The following SGIP1 variants were observed in gnomAD, a reference collection of about 807,000 sequenced individuals.
The protein encoded by SGIP1 is SH3-containing GRB2-like protein 3-interacting protein 1.
SGIP1 carries 38 observed loss-of-function variants against 107.5 expected under a neutral mutation model. The observed-to-expected ratio is 0.35, with a 90% CI of 0.27 to 0.46. The LOEUF is 0.46. SGIP1 is among the 20% of genes least tolerant of loss of function. SGIP1 has a pLI of 1.00. For missense variants in SGIP1, 929 were observed against 1,019.5 expected, an observed-to-expected ratio of 0.91 and a Z score of 1.21; for synonymous variants, 365 against 366.1, an observed-to-expected ratio of 1.00 and a Z score of 0.03.
At chr1:66,647,845 A>C (rs537460360) in intron 7 of SGIP1, among the ~76,000 whole-genome samples, 1 of 152,274 alleles carries the variant, frequency 6.6e-6, no homozygotes, top group South Asian at 2.1e-4. Flanking sequence ...CCAAATATGT[A>C]ATTTTGTCCT....
At chr1:66,538,071 T>C (rs1570972096) in intron 1 of SGIP1, among the ~76,000 whole-genome samples, 1 of 152,184 alleles carries the variant, frequency 6.6e-6, no homozygotes, top group Non-Finnish European at 1.5e-5. Context: ...TCCAAAATCA[T>C]TATTTAAAAA....
chr1:66,599,361 A>G (rs2065313501), intron 1 of SGIP1, among the ~76,000 whole-genome samples: 1 of 152,320 alleles, frequency 6.6e-6, no homozygotes, highest in Middle Eastern at 3.4e-3. Context: ...GAAGAAATTG[A>G]GATTTACAGA....
chr1:66,717,778 T>G (rs2093327025), intron 18 of SGIP1, among the ~76,000 whole-genome samples: 1 of 152,106 alleles, frequency 6.6e-6, no homozygotes, highest in African/African-American at 2.4e-5. Context: ...AACTGTAAAA[T>G]GAAGACAACA....
chr1:66,667,024 G>GA (rs1266246717), intron 8 of SGIP1: 2 of 152,874 alleles, frequency 1.3e-5, no homozygotes, highest in Non-Finnish European at 2.9e-5. Context: ...GAACACCAAA[G>GA]AAAAAATCCA....
chr1:66,739,236 G>A (rs1223218189), intron 21 of SGIP1, 99 bp from the exon 22 acceptor site: 12 of 1,324,186 alleles, frequency 9.1e-6, no homozygotes, highest in Middle Eastern at 2.3e-4. Context: ...TCTCACTCAC[G>A]GTTGCTTGTG....
intron 7 of SGIP1, among the ~76,000 whole-genome samples, chr1:66,649,505 T>A (rs1308982602): frequency 6.6e-6 from 1 of 152,192 alleles, no homozygotes; most frequent in African/African-American, 2.4e-5. Context: ...GCTAGTGCAG[T>A]GTAAAGACCA....
At chr1:66,726,366 T>C (rs530668360) in intron 19 of SGIP1, among the ~76,000 whole-genome samples, 4 of 152,288 alleles carry the variant, frequency 2.6e-5, no homozygotes, top group South Asian at 2.1e-4. Flanking sequence ...TGATTTTATA[T>C]AGACATTGAC....
At position 66,548,459 on chromosome 1, in the gene SGIP1, GT is replaced by G. The variant is rs149591436; in HGVS notation, c.10+14093del. Among the ~76,000 whole-genome samples, 1,130 of 152,096 alleles carry G rather than the reference GT, an allele frequency of 7.4e-3. 11 individuals are homozygous for G. The highest frequency in any genetic ancestry group is 0.025 in the African/African-American group (1,038 of 41,488). ...GAATAAACCCTTTCTAACCCAAACGGTTCTGGCATTAGGCTTTTTCAGAGAC... is the reference window on the plus strand; with the variant it reads ...GAATAAACCCTTTCTAACCCAAACGGTCTGGCATTAGGCTTTTTCAGAGAC... On this transcript the variant is annotated intron_variant, in intron 1 of 24. Coordinates refer to ENST00000371037, the MANE Select transcript of SGIP1 (RefSeq NM_032291.4).
At chr1:66,643,465 T>C (rs1199430329) in intron 6 of SGIP1, 79 bp from the exon 7 acceptor site, 6 of 1,203,832 alleles carry the variant, frequency 5.0e-6, no homozygotes, top group African/African-American at 1.6e-5. Flanking sequence ...TTTTGCTGTC[T>C]CTATATGCAA....
chr1:66,733,181 A>G (rs1364834371), intron 20 of SGIP1, among the ~76,000 whole-genome samples: 1 of 152,220 alleles, frequency 6.6e-6, no homozygotes, highest in Non-Finnish European at 1.5e-5. Context: ...TTATAAGTGA[A>G]GTGAAATCTT....
intron 1 of SGIP1, among the ~76,000 whole-genome samples, chr1:66,604,027 T>C (rs1422031357): frequency 6.6e-6 from 1 of 152,156 alleles, no homozygotes; most frequent in African/African-American, 2.4e-5. Context: ...CACAGAAATA[T>C]GTGTTGGGCA....
At chr1:66,654,266 A>G (rs1407382111) in intron 7 of SGIP1, among the ~76,000 whole-genome samples, 1 of 152,074 alleles carries the variant, frequency 6.6e-6, no homozygotes, top group Non-Finnish European at 1.5e-5. Flanking sequence ...TCACTACTTG[A>G]TGGGTGAACA....
At chr1:66,602,722 T>C (rs923313348) in intron 1 of SGIP1, among the ~76,000 whole-genome samples, 1 of 152,126 alleles carries the variant, frequency 6.6e-6, no homozygotes, top group Non-Finnish European at 1.5e-5. Flanking sequence ...AGGTGCAAGA[T>C]ACTAACGTAA....
intron 24 of SGIP1, among the ~76,000 whole-genome samples, chr1:66,742,446 T>C (rs2094476630): frequency 6.7e-6 from 1 of 148,726 alleles, no homozygotes; most frequent in Non-Finnish European, 1.5e-5. Flanking sequence ...ATATAAGTTA[T>C]ATGAGCACCC....
chr1:66,588,528 G>T (rs76444801), intron 1 of SGIP1, among the ~76,000 whole-genome samples: 3,261 of 151,724 alleles, frequency 0.021, 113 homozygotes, highest in African/African-American at 0.074. Context: ...GATGTAGTCA[G>T]TCTAATATAG....
At chr1:66,730,755 T>C (rs1477602092) in intron 20 of SGIP1, among the ~76,000 whole-genome samples, 1 of 152,150 alleles carries the variant, frequency 6.6e-6, no homozygotes, top group Non-Finnish European at 1.5e-5. Flanking sequence ...TCTCCCACCA[T>C]CCTGCCTCAG....
In SGIP1 at chr1:66,743,139, C is replaced by G; in HGVS notation, c.*44C>G. 6.2e-7 allele frequency: 1 copy of G among 1,602,400 alleles called. No homozygotes were observed. Reference sequence around the variant, plus strand: ...TTTGGAGGATTCATATAATGGAGAACTGATGTATGAGAAACAGATTTTAAT... The same window carrying G: ...TTTGGAGGATTCATATAATGGAGAAGTGATGTATGAGAAACAGATTTTAAT... On this transcript the variant is annotated 3_prime_UTR_variant, in exon 25 of 25. Coordinates refer to ENST00000371037, the MANE Select transcript of SGIP1 (RefSeq NM_032291.4).
At chr1:66,572,542 A>G (rs2060520495) in intron 1 of SGIP1, among the ~76,000 whole-genome samples, 1 of 152,056 alleles carries the variant, frequency 6.6e-6, no homozygotes, top group South Asian at 2.1e-4. Context: ...TTTAGCTGCA[A>G]TGCATTATGT....
chr1:66,694,076 C>G (rs1001834430), intron 17 of SGIP1, among the ~76,000 whole-genome samples: 1 of 152,190 alleles, frequency 6.6e-6, no homozygotes, highest in African/African-American at 2.4e-5. Context: ...TGTCTGACCA[C>G]TTGAGAATTG....
Sources: gnomAD v4.1 joint callset for allele counts (sites outside exome capture counted in the v4.1 genomes callset) on GRCh38, gnomAD v4.1.1 for gene constraint, MANE v1.5 for transcripts, NCBI Gene and HGNC (gene_info 2026-07-23, HGNC 2026-07-21) for gene names.